The following PGM2L1 variants were observed in gnomAD, a reference collection of about 807,000 sequenced individuals.
The protein encoded by PGM2L1 is phosphoglucomutase 2 like 1.
A neutral mutation model predicts 73.4 loss-of-function variants in PGM2L1; 35 were observed. The observed-to-expected ratio is 0.48, with a 90% confidence interval of 0.36 to 0.63. The LOEUF (loss-of-function observed/expected upper bound fraction) is 0.63. PGM2L1 is among the 30% of genes least tolerant of loss of function. The pLI is 0.00. For synonymous variants in PGM2L1, 225 were observed against 253.8 expected, an observed-to-expected ratio of 0.89 and a Z score of 1.08; for missense variants, 570 against 742.0, an observed-to-expected ratio of 0.77 and a Z score of 2.69.
chr11:74,345,986 G>A lies in PGM2L1; in HGVS notation c.1038-337C>T, dbSNP rs142414078. 4.4e-3 allele frequency among the ~76,000 whole-genome samples: 673 copies of A among 151,938 alleles called. 19 individuals are homozygous for A. The highest frequency in any genetic ancestry group is 9.1e-4 in the Non-Finnish European group (62 of 67,918). On this transcript the variant is annotated intron_variant, in intron 8 of 13. Transcript: ENST00000298198. ...ATAGCAGCCCAGAGGACTAAGATTAGGAAATAGGTGGCTCATGCCTGTAAT... is the reference window on the plus strand; with the variant it reads ...ATAGCAGCCCAGAGGACTAAGATTAAGAAATAGGTGGCTCATGCCTGTAAT...
At chr11:74,371,875 C>G in intron 2 of PGM2L1, 58 bp from the exon 3 acceptor site, 1 of 1,377,572 alleles carries the variant, frequency 7.3e-7, no homozygotes. Flanking sequence ...TCATATGACT[C>G]AGAATCTCTT....
intron 5 of PGM2L1, among the ~76,000 whole-genome samples, chr11:74,363,491 A>C (rs927845112): frequency 1.3e-5 from 2 of 152,224 alleles, no homozygotes; most frequent in African/African-American, 4.8e-5. Flanking sequence ...AATAAAGAAA[A>C]AAAGAGAGAA....
intron 12 of PGM2L1, among the ~76,000 whole-genome samples, chr11:74,341,342 G>C (rs982861082): frequency 2.0e-5 from 3 of 152,192 alleles, no homozygotes; most frequent in African/African-American, 7.2e-5. Flanking sequence ...CAGCCCAGGA[G>C]GGTTCTTGAC....
At chr11:74,387,320 C>T (rs1178144231) in intron 1 of PGM2L1, among the ~76,000 whole-genome samples, 1 of 151,406 alleles carries the variant, frequency 6.6e-6, no homozygotes, top group Non-Finnish European at 1.5e-5. Flanking sequence ...ATAGTCCCCT[C>T]TCTCTACACT....
At chr11:74,373,369 C>G (rs1447841121) in intron 2 of PGM2L1, among the ~76,000 whole-genome samples, 2 of 152,178 alleles carry the variant, frequency 1.3e-5, no homozygotes, top group Non-Finnish European at 2.9e-5. Flanking sequence ...TTCTCTCCTA[C>G]CCCTGCATTA....
At position 74,342,664 on chromosome 11, in the gene PGM2L1, C is replaced by A; in HGVS notation, c.1443-14G>T. 1.3e-6 allele frequency: 2 copies of A among 1,508,126 alleles called. No homozygotes were observed. Among genetic ancestry groups the A allele is most frequent in the South Asian group, 2.7e-5 (2 of 74,606 alleles). 93.4% of individuals were successfully genotyped at this position (1,508,126 alleles called of 1,614,324 possible). On this transcript the variant is annotated splice_polypyrimidine_tract_variant and intron_variant, in intron 11 of 13. Coordinates refer to ENST00000298198, the MANE Select transcript of PGM2L1 (RefSeq NM_173582.6). ...TGATAACCATATCTGTGCAAAGATT[C>A]AAAGTGCTAAAATTAGATTTCAGAT...
intron 5 of PGM2L1, among the ~76,000 whole-genome samples, chr11:74,360,428 G>A (rs1185867733): frequency 1.3e-5 from 2 of 151,834 alleles, no homozygotes; most frequent in African/African-American, 4.8e-5. Context: ...TAGCAGAGGC[G>A]GTTCCAAGAT....
intron 1 of PGM2L1, among the ~76,000 whole-genome samples, chr11:74,381,610 G>A (rs1319680693): frequency 5.3e-5 from 6 of 113,780 alleles, no homozygotes; most frequent in Non-Finnish European, 9.9e-5. Context: ...ACAGAGTCTC[G>A]TTCTGTTGCT....
chr11:74,394,151 A>T (rs1324540468), intron 1 of PGM2L1, among the ~76,000 whole-genome samples: 1 of 152,142 alleles, frequency 6.6e-6, no homozygotes, highest in East Asian at 1.9e-4. Context: ...TTTACTTATT[A>T]CAGGTTGATG....
chr11:74,344,419 C>T lies in PGM2L1; in HGVS notation c.1219-1003G>A, dbSNP rs1052088168. Among the ~76,000 whole-genome samples, 5 of 152,198 alleles carry T rather than the reference C, an allele frequency of 3.3e-5. No homozygotes were observed. The South Asian group carries it at 1.0e-3, about 32-fold the overall frequency. ...CCACCAAGACAGTTACTAACTACTT[C>T]TTTAAATAATTAGATTTGAGGACTT... On this transcript the variant is annotated intron_variant, in intron 9 of 13. Transcript: ENST00000298198.
chr11:74,346,444 C>T (rs547157274), intron 8 of PGM2L1, among the ~76,000 whole-genome samples: 42 of 151,966 alleles, frequency 2.8e-4, no homozygotes, highest in Non-Finnish European at 5.4e-4. Flanking sequence ...TTAACCATTA[C>T]ACTGTAAGCA....
At chr11:74,336,997 G>A (rs558534960) in intron 13 of PGM2L1, among the ~76,000 whole-genome samples, 1 of 152,242 alleles carries the variant, frequency 6.6e-6, no homozygotes, top group Non-Finnish European at 1.5e-5. Flanking sequence ...ATAAACAGAG[G>A]AGTGATGGTG....
intron 5 of PGM2L1, among the ~76,000 whole-genome samples, chr11:74,361,449 A>G (rs1401633314): frequency 6.6e-6 from 1 of 152,216 alleles, no homozygotes; most frequent in African/African-American, 2.4e-5. Flanking sequence ...AGATGGGGAA[A>G]AAACAGAGCA....
rs996486988 is a variant in PGM2L1, at chr11:74,354,394, G to A, written c.556-2818C>T. ...TAGGTCAGCTTACTGCTTTCTGCCC[G>A]TGGATGCTGCTGAGGAAGCATCATT... On this transcript the variant is annotated intron_variant, in intron 5 of 13. Coordinates refer to ENST00000298198, the MANE Select transcript of PGM2L1 (RefSeq NM_173582.6). The A allele has an allele frequency of 8.5e-6, 5 of 587,942 alleles. No homozygotes were observed. The Admixed American group carries it at 8.5e-5, about 10-fold the overall frequency. 36.4% of individuals were successfully genotyped at this position (587,942 alleles called of 1,614,324 possible).
At chr11:74,349,535 T>C (rs1024426681) in intron 6 of PGM2L1, among the ~76,000 whole-genome samples, 2 of 152,188 alleles carry the variant, frequency 1.3e-5, no homozygotes, top group African/African-American at 4.8e-5. Context: ...CCTCATTTAG[T>C]ACATTTTCTG....
chr11:74,395,929 A>C (rs1165103081), intron 1 of PGM2L1, among the ~76,000 whole-genome samples: 1 of 152,006 alleles, frequency 6.6e-6, no homozygotes, highest in Non-Finnish European at 1.5e-5. Flanking sequence ...ACAATCAATA[A>C]ATATAAATTC....
chr11:74,351,264 A>C, intron 6 of PGM2L1, 119 bp downstream of exon 6: 1 of 940,592 alleles, frequency 1.1e-6, no homozygotes, highest in Non-Finnish European at 1.6e-6. Flanking sequence ...GACTCTTATG[A>C]GTACTATTTA....
Position 74,331,263 on chromosome 11 carries a change from C to A in PGM2L1, c.*5389G>T, listed in dbSNP as rs1338661374. 7.8e-6 allele frequency: 1 copy of A among 128,062 alleles called. No individual in the cohort carries two copies. Among genetic ancestry groups the A allele is most frequent in the Non-Finnish European group, 1.6e-5 (1 of 61,464 alleles). The allele number at this position is 128,062 out of a possible 1,614,324, so 7.9% of individuals were successfully genotyped here. On this transcript the variant is annotated 3_prime_UTR_variant, in exon 14 of 14. Transcript: ENST00000298198. ...CTGGATATGTTCTATGTTTATATAT[C>A]TTTTTTTTTTTTTTTTGAGATGGAG...
chr11:74,341,564 C>T (rs1247386161), intron 12 of PGM2L1, among the ~76,000 whole-genome samples: 1 of 151,964 alleles, frequency 6.6e-6, no homozygotes, highest in Admixed American at 6.6e-5. Context: ...TGGTGACATG[C>T]TTCTGTAGCC....
Sources: gnomAD v4.1 joint callset for allele counts (sites outside exome capture counted in the v4.1 genomes callset) on GRCh38, gnomAD v4.1.1 for gene constraint, MANE v1.5 for transcripts, NCBI Gene and HGNC (gene_info 2026-07-23, HGNC 2026-07-21) for gene names.